The following NKAIN3 variants were observed in gnomAD, a reference collection of about 807,000 sequenced individuals.
NKAIN3 encodes the protein sodium/potassium transporting ATPase interacting 3.
In NKAIN3, 25 loss-of-function variants were observed where a neutral mutation model predicts 30.2. The ratio of observed to expected loss-of-function variants is 0.83; its 90% CI spans 0.60 to 1.16. The LOEUF (loss-of-function observed/expected upper bound fraction) is 1.16. Among genes scored for constraint, NKAIN3 ranks in the 50% most tolerant of loss-of-function variants. NKAIN3 has a pLI of 0.00. For synonymous variants in NKAIN3, 91 were observed against 89.6 expected, an observed-to-expected ratio of 1.02 and a Z score of -0.09; for missense variants, 225 against 254.1, an observed-to-expected ratio of 0.89 and a Z score of 0.78.
intron 1 of NKAIN3, among the ~76,000 whole-genome samples, chr8:62,402,510 C>T (rs575549641): frequency 2.9e-4 from 44 of 152,028 alleles, no homozygotes; most frequent in African/African-American, 9.6e-4. Flanking sequence ...ATTGAATCAT[C>T]GGGGTGGTTT....
Position 62,829,380 on chromosome 8 carries a change from T to C in NKAIN3, c.471+82251T>C, listed in dbSNP as rs145351720. Among the ~76,000 whole-genome samples the C allele has an allele frequency of 8.8e-3, 1,337 of 152,168 alleles. 23 individuals carry two copies. The highest frequency in any genetic ancestry group is 0.031 in the African/African-American group (1,296 of 41,470). The stretch of plus-strand genomic sequence containing the variant: ...CAGCATTTCAGTCACACTGAAAAGA[T>C]TAATTGAAAGTAACTGGACCCCAGG... On this transcript the variant is annotated intron_variant, in intron 4 of 6. Coordinates refer to ENST00000623646, the MANE Select transcript of NKAIN3 (RefSeq NM_001304533.3).
chr8:62,897,044 A>AG (rs5891875), intron 4 of NKAIN3, among the ~76,000 whole-genome samples: 117,577 of 151,984 alleles, frequency 0.77, 46,343 homozygotes, highest in East Asian at 0.98. Flanking sequence ...ACATTTTTGA[A>AG]GCAGAAGGGA....
intron 1 of NKAIN3, among the ~76,000 whole-genome samples, chr8:62,295,364 T>C (rs7834815): frequency 0.58 from 88,788 of 151,890 alleles, 26,295 homozygotes; most frequent in East Asian, 0.68. Context: ...GTGAAGCTGA[T>C]AGGTGTGTCA....
chr8:62,460,545 C>T (rs932786739), intron 1 of NKAIN3, among the ~76,000 whole-genome samples: 39 of 151,958 alleles, frequency 2.6e-4, no homozygotes, highest in Non-Finnish European at 3.4e-4. Flanking sequence ...TTGGTAAGAA[C>T]AATGAGCTTT....
intron 1 of NKAIN3, among the ~76,000 whole-genome samples, chr8:62,485,453 A>T (rs1455037055): frequency 1.3e-5 from 2 of 152,258 alleles, no homozygotes; most frequent in East Asian, 1.9e-4. Flanking sequence ...CCTTCAGTAG[A>T]TGTTATTGTG....
chr8:62,532,360 G>A (rs1307912709), intron 1 of NKAIN3, among the ~76,000 whole-genome samples: 1 of 151,936 alleles, frequency 6.6e-6, no homozygotes, highest in Admixed American at 6.6e-5. Flanking sequence ...GTCCCCTAAA[G>A]CTTCGCACCT....
chr8:62,915,820 C>T (rs1373386403), intron 4 of NKAIN3, among the ~76,000 whole-genome samples: 1 of 152,142 alleles, frequency 6.6e-6, no homozygotes, highest in East Asian at 1.9e-4. Context: ...GCAACAAATA[C>T]AGCAAAGGCT....
chr8:62,890,767 C>A (rs1232615348), intron 4 of NKAIN3, among the ~76,000 whole-genome samples: 2 of 152,182 alleles, frequency 1.3e-5, no homozygotes, highest in African/African-American at 4.8e-5. Flanking sequence ...TGCCTGTCTA[C>A]CCAAAAGGGA....
chr8:62,300,871 G>C (rs1814024801), intron 1 of NKAIN3, among the ~76,000 whole-genome samples: 1 of 152,020 alleles, frequency 6.6e-6, no homozygotes, highest in Non-Finnish European at 1.5e-5. Flanking sequence ...TTTCTCCTTA[G>C]CCAGACTTCG....
intron 1 of NKAIN3, among the ~76,000 whole-genome samples, chr8:62,437,964 A>G (rs1037806599): frequency 5.3e-5 from 8 of 152,206 alleles, no homozygotes; most frequent in African/African-American, 1.9e-4. Context: ...CTGTTCATGA[A>G]CCCTGTGTGT....
intron 1 of NKAIN3, among the ~76,000 whole-genome samples, chr8:62,259,765 A>G (rs993742196): frequency 2.0e-5 from 3 of 152,170 alleles, no homozygotes; most frequent in Non-Finnish European, 1.5e-5. Context: ...CTTAAGTTGG[A>G]GAATGTGAAA....
At chr8:62,285,982 G>T (rs189584015) in intron 1 of NKAIN3, among the ~76,000 whole-genome samples, 1 of 152,238 alleles carries the variant, frequency 6.6e-6, no homozygotes, top group African/African-American at 2.4e-5. Flanking sequence ...ACTTGCAGTG[G>T]CTTACATATT....
At chr8:62,428,695 T>G (rs1424130300) in intron 1 of NKAIN3, among the ~76,000 whole-genome samples, 1 of 151,916 alleles carries the variant, frequency 6.6e-6, no homozygotes, top group Non-Finnish European at 1.5e-5. Flanking sequence ...AAAATCATGT[T>G]ATTTGTTTAT....
chr8:62,435,158 A>G (rs1805129689), intron 1 of NKAIN3, among the ~76,000 whole-genome samples: 1 of 152,092 alleles, frequency 6.6e-6, no homozygotes, highest in Admixed American at 6.6e-5. Context: ...CATGTCCTAA[A>G]ATGCTTCCCC....
At chr8:62,319,950 T>C (rs1410256634) in intron 1 of NKAIN3, among the ~76,000 whole-genome samples, 1 of 152,132 alleles carries the variant, frequency 6.6e-6, no homozygotes, top group Non-Finnish European at 1.5e-5. Context: ...TCTCCCATTA[T>C]TATTGTGTGG....
At position 62,776,700 on chromosome 8, in the gene NKAIN3, C is replaced by A. The variant is rs183420569; in HGVS notation, c.471+29571C>A. 6.6e-4 allele frequency among the ~76,000 whole-genome samples: 101 copies of A among 152,144 alleles called. 1 individual carries two copies. In the Middle Eastern group the frequency reaches 0.01, roughly 15 times the overall value. ...TTGTACTTATTATTTTTGATCAGTT[C>A]ATCTTTTAATCTTTCTACTCAAGTT... On this transcript the variant is annotated intron_variant, in intron 4 of 6. Coordinates refer to ENST00000623646, the MANE Select transcript of NKAIN3 (RefSeq NM_001304533.3).
At chr8:62,881,734 T>C (rs1820989712) in intron 4 of NKAIN3, among the ~76,000 whole-genome samples, 1 of 152,204 alleles carries the variant, frequency 6.6e-6, no homozygotes, top group South Asian at 2.1e-4. Context: ...TGTTTTAAAC[T>C]GTTTTGCATG....
intron 4 of NKAIN3, among the ~76,000 whole-genome samples, chr8:62,917,501 G>A (rs976811305): frequency 3.9e-5 from 6 of 152,264 alleles, no homozygotes; most frequent in African/African-American, 1.4e-4. Context: ...TGGATGACAA[G>A]CTCAGGGTCC....
At chr8:62,564,668 TAATAA>T (rs1809693066) in intron 1 of NKAIN3, among the ~76,000 whole-genome samples, 2 of 152,088 alleles carry the variant, frequency 1.3e-5, no homozygotes, top group Non-Finnish European at 2.9e-5. Flanking sequence ...TAATCAAATA[TAATAA>T]AATAGAACAG....
Sources: allele counts gnomAD v4.1 joint callset (sites outside exome capture counted in the v4.1 genomes callset), GRCh38; gene constraint gnomAD v4.1.1; transcripts MANE v1.5; gene names NCBI Gene and HGNC (gene_info 2026-07-23, HGNC 2026-07-21).